AKR1C8: variants seen among roughly 807,000 people sequenced by gnomAD.
The protein encoded by AKR1C8 is aldo-keto reductase family 1 member C-like protein 1.
the AKR1C8 span, among the ~76,000 whole-genome samples, chr10:5,125,265 A>G: frequency 1.3e-5 from 2 of 152,172 alleles, no homozygotes; most frequent in Non-Finnish European, 1.5e-5. Context: ...AACAATGGTA[A>G]ATCTCAATAC....
At chr10:5,132,746 C>T in the AKR1C8 span, 5 of 1,484,752 alleles carry the variant, frequency 3.4e-6, no homozygotes, top group Non-Finnish European at 4.7e-6. Context: ...ATTTTGTAAC[C>T]TCCACAACTC....
At chr10:5,162,919 T>C in the AKR1C8 span, 2 of 534,740 alleles carry the variant, frequency 3.7e-6, no homozygotes, top group Admixed American at 3.9e-5. Flanking sequence ...AAATGGCCTG[T>C]CCAACCTCCT....
At chr10:5,138,855 G>T in the AKR1C8 span, among the ~76,000 whole-genome samples, 1 of 152,124 alleles carries the variant, frequency 6.6e-6, no homozygotes, top group Non-Finnish European at 1.5e-5. Context: ...ATTAGGAAAA[G>T]AGGAAGTCAA....
At chr10:5,160,341 G>A in the AKR1C8 span, among the ~76,000 whole-genome samples, 1 of 151,888 alleles carries the variant, frequency 6.6e-6, no homozygotes, top group African/African-American at 2.4e-5. Context: ...TGGGTTTTCT[G>A]TTAGTAGAGG....
the AKR1C8 span, among the ~76,000 whole-genome samples, chr10:5,133,244 C>G: frequency 6.6e-6 from 1 of 152,006 alleles, no homozygotes. Context: ...ACCACAGATG[C>G]GCGCTATTAT....
chr10:5,169,418 T>C, the AKR1C8 span, among the ~76,000 whole-genome samples: 2 of 152,320 alleles, frequency 1.3e-5, no homozygotes, highest in East Asian at 3.9e-4. Flanking sequence ...GGTAGTTGTC[T>C]ACGAAATGGC....
At chr10:5,164,624 C>G in the AKR1C8 span, among the ~76,000 whole-genome samples, 1 of 152,108 alleles carries the variant, frequency 6.6e-6, no homozygotes, top group Non-Finnish European at 1.5e-5. Flanking sequence ...CAGCTGCCAG[C>G]CTTACAAGAC....
the AKR1C8 span, among the ~76,000 whole-genome samples, chr10:5,177,683 C>G: frequency 3.3e-5 from 5 of 152,136 alleles, no homozygotes; most frequent in Admixed American, 2.0e-4. Context: ...TTCAGAGATT[C>G]AACTTCTTCC....
chr10:5,181,411 T>C, the AKR1C8 span, among the ~76,000 whole-genome samples: 8 of 152,226 alleles, frequency 5.3e-5, no homozygotes, highest in South Asian at 2.1e-4. Context: ...AAATGACTTA[T>C]GGTAATCTGA....
chr10:5,181,719 T>C, the AKR1C8 span, among the ~76,000 whole-genome samples: 1 of 152,218 alleles, frequency 6.6e-6, no homozygotes, highest in Admixed American at 6.5e-5. Context: ...CTGTCAATCA[T>C]AATTAAGGTT....
the AKR1C8 span, among the ~76,000 whole-genome samples, chr10:5,128,251 A>T: frequency 2.6e-5 from 4 of 152,200 alleles, no homozygotes; most frequent in East Asian, 1.9e-4. Flanking sequence ...TGACATTATC[A>T]AACCAGTTCT....
the AKR1C8 span, among the ~76,000 whole-genome samples, chr10:5,176,963 C>G: frequency 1.1e-4 from 16 of 152,202 alleles, no homozygotes; most frequent in African/African-American, 3.1e-4. Context: ...ATTGAATACC[C>G]TTTATTTCCT....
At chr10:5,125,049 T>C in the AKR1C8 span, among the ~76,000 whole-genome samples, 2 of 152,060 alleles carry the variant, frequency 1.3e-5, no homozygotes, top group South Asian at 2.1e-4. Flanking sequence ...ATTGGATTTT[T>C]TTTTGTTTTC....
chr10:5,170,930 A>T, the AKR1C8 span, among the ~76,000 whole-genome samples: 3 of 152,152 alleles, frequency 2.0e-5, no homozygotes, highest in African/African-American at 4.8e-5. Flanking sequence ...GTATGCTCCA[A>T]ATTTTGTTTA....
the AKR1C8 span, among the ~76,000 whole-genome samples, chr10:5,171,597 T>C: frequency 6.6e-6 from 1 of 152,078 alleles, no homozygotes; most frequent in East Asian, 1.9e-4. Flanking sequence ...CTTGTATACA[T>C]ATTTACCTAA....
At chr10:5,152,054 A>G in the AKR1C8 span, among the ~76,000 whole-genome samples, 2 of 152,162 alleles carry the variant, frequency 1.3e-5, no homozygotes, top group Non-Finnish European at 2.9e-5. Context: ...GTCATCTATA[A>G]TTTTAGTATA....
the AKR1C8 span, among the ~76,000 whole-genome samples, chr10:5,135,419 GTTT>G: frequency 6.6e-6 from 1 of 152,106 alleles, no homozygotes; most frequent in South Asian, 2.1e-4. Context: ...CAGTGCACTT[GTTT>G]TTTATCAAAG....
the AKR1C8 span, among the ~76,000 whole-genome samples, chr10:5,132,207 A>G: frequency 1.3e-5 from 2 of 152,162 alleles, no homozygotes; most frequent in South Asian, 4.1e-4. Context: ...GGTGAGGGAT[A>G]AAAGCCTACA....
the AKR1C8 span, among the ~76,000 whole-genome samples, chr10:5,126,979 T>G: frequency 6.6e-6 from 1 of 151,998 alleles, no homozygotes; most frequent in African/African-American, 2.4e-5. Flanking sequence ...GTAGAAGAAG[T>G]AGTCTATCAA....
Sources: allele counts gnomAD v4.1 joint callset (sites outside exome capture counted in the v4.1 genomes callset), GRCh38; gene constraint gnomAD v4.1.1; transcripts MANE v1.5; gene names NCBI Gene and HGNC (gene_info 2026-07-23, HGNC 2026-07-21).